TAF4: variants seen among roughly 807,000 people sequenced by gnomAD.
TAF4 encodes transcription initiation factor TFIID subunit 4.
In TAF4, 9 loss-of-function variants were observed where a neutral mutation model predicts 90.3. The ratio of observed to expected loss-of-function variants is 0.10; its 90% CI spans 0.06 to 0.17. The LOEUF (loss-of-function observed/expected upper bound fraction) is 0.17, where lower values mean the gene tolerates loss of function less well. Ranked by LOEUF, TAF4 falls within the 10% of genes least tolerant of loss-of-function variation. TAF4 has a pLI of 1.00. For missense variants in TAF4, 1,351 were observed against 1,370.7 expected (o/e 0.99, Z 0.23); for synonymous variants, 818 against 638.9 (o/e 1.28, Z -4.23).
intron 14 of TAF4, among the ~76,000 whole-genome samples, chr20:61,990,716 C>A (rs572959276): frequency 6.6e-6 from 1 of 152,150 alleles, no homozygotes. Context: ...AGAGAACCTG[C>A]TGGGAGTGAA....
intron 1 of TAF4, among the ~76,000 whole-genome samples, chr20:62,051,608 G>C (rs2056027985): frequency 6.6e-6 from 1 of 151,818 alleles, no homozygotes; most frequent in Non-Finnish European, 1.5e-5. Flanking sequence ...ACCACCAAGA[G>C]CCCTGATCCA....
chr20:62,013,905 G>A (rs1359919093), intron 2 of TAF4, among the ~76,000 whole-genome samples: 5 of 119,440 alleles, frequency 4.2e-5, no homozygotes, highest in African/African-American at 9.3e-5. Flanking sequence ...AGGCTGACGC[G>A]GGTGTGTGTG....
chr20:62,045,504 C>G (rs1459143544), intron 1 of TAF4, among the ~76,000 whole-genome samples: 2 of 152,274 alleles, frequency 1.3e-5, no homozygotes, highest in Non-Finnish European at 2.9e-5. Flanking sequence ...GCCTGAGCCA[C>G]ACACCCGTGG....
chr20:62,022,864 C>A (rs189597408), intron 1 of TAF4, among the ~76,000 whole-genome samples: 57 of 99,956 alleles, frequency 5.7e-4, no homozygotes, highest in Admixed American at 4.5e-3. Context: ...ACTTGCAGCC[C>A]CCCCCCCGCA....
chr20:62,024,195 T>C (rs1385139504), intron 1 of TAF4, among the ~76,000 whole-genome samples: 1 of 152,164 alleles, frequency 6.6e-6, no homozygotes, highest in East Asian at 1.9e-4. Context: ...AATTCAGTGG[T>C]GAGGACGGGC....
At chr20:61,981,583 G>A (rs1157118893) in intron 14 of TAF4, among the ~76,000 whole-genome samples, 1 of 152,162 alleles carries the variant, frequency 6.6e-6, no homozygotes, top group Admixed American at 6.5e-5. Flanking sequence ...TGAAAATGCA[G>A]TAAGGAACCT....
chr20:61,982,711 C>T (rs967641780), intron 14 of TAF4, among the ~76,000 whole-genome samples: 36 of 86,494 alleles, frequency 4.2e-4, no homozygotes, highest in African/African-American at 1.1e-3. Context: ...ACACCCCACC[C>T]GAGAGGAGAC....
intron 14 of TAF4, among the ~76,000 whole-genome samples, chr20:61,988,312 G>T (rs2055608132): frequency 6.6e-6 from 1 of 152,156 alleles, no homozygotes; most frequent in Admixed American, 6.5e-5. Flanking sequence ...GGTATGGGAA[G>T]TCTCTGTACT....
chr20:62,053,240 T>C (rs769286389), intron 1 of TAF4, among the ~76,000 whole-genome samples: 15 of 152,194 alleles, frequency 9.9e-5, no homozygotes, highest in Non-Finnish European at 2.1e-4. Flanking sequence ...CTCAGAGCTC[T>C]GCGTCTAATC....
chr20:61,992,617 C>A (rs886197482), intron 14 of TAF4, among the ~76,000 whole-genome samples: 1 of 152,160 alleles, frequency 6.6e-6, no homozygotes, highest in East Asian at 1.9e-4. Flanking sequence ...GTTTTACACA[C>A]ATTTCCCAGT....
intron 11 of TAF4, 97 bp from the exon 12 acceptor site, chr20:61,999,205 T>TCCCTCCGTCCA: frequency 6.8e-7 from 1 of 1,476,010 alleles, no homozygotes; most frequent in Admixed American, 1.8e-5. Flanking sequence ...CACAACGCCC[T>TCCCTCCGTCCA]CCCTCCGTCC....
intron 1 of TAF4, among the ~76,000 whole-genome samples, chr20:62,039,742 A>G (rs1188062635): frequency 6.6e-6 from 1 of 152,274 alleles, no homozygotes; most frequent in African/African-American, 2.4e-5. Context: ...GAACAATTCT[A>G]TCTGATAAAT....
At chr20:62,043,580 G>C (rs1294868468) in intron 1 of TAF4, among the ~76,000 whole-genome samples, 1 of 152,096 alleles carries the variant, frequency 6.6e-6, no homozygotes, top group East Asian at 1.9e-4. Flanking sequence ...ACCCAGTCCT[G>C]CAAGCGCCAT....
intron 1 of TAF4, among the ~76,000 whole-genome samples, chr20:62,039,265 G>C (rs1316237992): frequency 6.6e-6 from 1 of 152,126 alleles, no homozygotes; most frequent in Non-Finnish European, 1.5e-5. Context: ...GACATGAGTG[G>C]ACAGAACACA....
At position 62,064,509 on chromosome 20, in the gene TAF4, G is replaced by A. The variant is rs1477778087; in HGVS notation, c.1302C>T (p.Pro434=). 2.0e-6 allele frequency: 3 copies of A among 1,520,658 alleles called. No homozygotes were observed. The highest frequency in any genetic ancestry group is 2.5e-5 in the South Asian group (2 of 80,574). 94.2% of individuals were successfully genotyped at this position (1,520,658 alleles called of 1,614,324 possible). A position where few individuals can be genotyped will look rare whatever the true frequency, so the allele number is the denominator to read the frequency against. ...GGTTCTGAGGCGGCTGCGGCAAGCGGGGGGCCAGCACGGTGGGCGTCAGGG... is the reference window on the plus strand; with the variant it reads ...GGTTCTGAGGCGGCTGCGGCAAGCGAGGGGCCAGCACGGTGGGCGTCAGGG... The part of the protein sequence containing the change: ...RATLTPTVLA[P]RLPQPPQNPT... Residue 434 remains proline (P), a synonymous_variant, in exon 1 of 15, where the codon CCC becomes CCT. Coordinates refer to ENST00000252996, the MANE Select transcript of TAF4 (RefSeq NM_003185.4).
chr20:61,982,321 G>A (rs1409827097), intron 14 of TAF4, among the ~76,000 whole-genome samples: 9 of 6,426 alleles, frequency 1.4e-3, no homozygotes, highest in Non-Finnish European at 2.2e-3. Flanking sequence ...CACCCCATCC[G>A]AGGAAACACC....
chr20:62,048,142 T>C (rs941103318), intron 1 of TAF4, among the ~76,000 whole-genome samples: 1 of 152,166 alleles, frequency 6.6e-6, no homozygotes, highest in African/African-American at 2.4e-5. Flanking sequence ...GCCGAGTCAA[T>C]TCCCTGTGGC....
intron 14 of TAF4, among the ~76,000 whole-genome samples, chr20:61,988,369 A>C (rs1361579898): frequency 6.6e-6 from 1 of 152,228 alleles, no homozygotes; most frequent in South Asian, 2.1e-4. Flanking sequence ...GCTCTAAAAA[A>C]TAGTTTATTA....
chr20:61,983,887 G>T (rs2055565761), intron 14 of TAF4, among the ~76,000 whole-genome samples: 1 of 152,094 alleles, frequency 6.6e-6, no homozygotes, highest in African/African-American at 2.4e-5. Flanking sequence ...GTAGGCTGGG[G>T]GACAAGAAAG....
Sources: gnomAD v4.1 joint callset for allele counts (sites outside exome capture counted in the v4.1 genomes callset) on GRCh38, gnomAD v4.1.1 for gene constraint, MANE v1.5 for transcripts, NCBI Gene and HGNC (gene_info 2026-07-23, HGNC 2026-07-21) for gene names.